The following TRAF3IP1 variants were observed in gnomAD, a reference collection of about 807,000 sequenced individuals.
TRAF3IP1 encodes TRAF3-interacting protein 1.
TRAF3IP1 carries 53 observed loss-of-function variants against 89.9 expected under a neutral mutation model. That is an observed-to-expected ratio of 0.59 (90% CI 0.47 to 0.74). The LOEUF (loss-of-function observed/expected upper bound fraction) is 0.74, where lower values mean the gene tolerates loss of function less well. Among genes scored for constraint, TRAF3IP1 ranks in the 30% least tolerant of loss-of-function variants. TRAF3IP1 has a pLI of 0.00. For missense variants in TRAF3IP1, 806 were observed against 866.1 expected, an observed-to-expected ratio of 0.93 and a Z score of 0.87; for synonymous variants, 311 against 322.1, an observed-to-expected ratio of 0.97 and a Z score of 0.37.
At chr2:238,347,110 C>G in intron 9 of TRAF3IP1, 1 of 252,472 alleles carries the variant, frequency 4.0e-6, no homozygotes, top group South Asian at 6.0e-5. Flanking sequence ...GCATCGTTCC[C>G]TCACATTTGG....
chr2:238,328,606 TTGAA>T, intron 3 of TRAF3IP1, 76 bp from the exon 4 acceptor site: 1 of 1,499,450 alleles, frequency 6.7e-7, no homozygotes, highest in Middle Eastern at 1.8e-4. Flanking sequence ...TGAGCTATCT[TTGAA>T]TGGCGATGTT....
At chr2:238,356,336 A>G (rs1237535215) in intron 15 of TRAF3IP1, among the ~76,000 whole-genome samples, 2 of 152,132 alleles carry the variant, frequency 1.3e-5, no homozygotes, top group Non-Finnish European at 2.9e-5. Context: ...GTCTTTACAA[A>G]AAATACAAAA....
At position 238,328,847 on chromosome 2, in the gene TRAF3IP1, C is replaced by G; in HGVS notation, c.498+18C>G. The G allele has an allele frequency of 1.2e-6, 2 of 1,602,108 alleles. No homozygotes were observed. The highest frequency in any genetic ancestry group is 1.7e-6 in the Non-Finnish European group (2 of 1,174,378). Reference sequence around the variant, plus strand: ...ATACAGAGGTGAATTCCAAGTCGCACATCTTTGAAAATGAAATAGTGAGTC... The same window carrying G: ...ATACAGAGGTGAATTCCAAGTCGCAGATCTTTGAAAATGAAATAGTGAGTC... On this transcript the variant is annotated intron_variant, in intron 4 of 16. Coordinates refer to ENST00000373327, the MANE Select transcript of TRAF3IP1 (RefSeq NM_015650.4).
At position 238,320,582 on chromosome 2, in the gene TRAF3IP1, C is replaced by G. The variant is rs1697469107; in HGVS notation, c.-81C>G. On this transcript the variant is annotated 5_prime_UTR_variant, in exon 1 of 17. Transcript: ENST00000373327. ...GACCGGGCGGCGGCGGCGGCGGGGCCGGCGGCGGCCAGGGACCCGGGCTTA... is the reference window on the plus strand; with the variant it reads ...GACCGGGCGGCGGCGGCGGCGGGGCGGGCGGCGGCCAGGGACCCGGGCTTA... The G allele has an allele frequency of 9.3e-7, 1 of 1,079,242 alleles. No individual in the cohort carries two copies. The highest frequency in any genetic ancestry group is 1.7e-5 in the African/African-American group (1 of 59,044). 66.9% of individuals were successfully genotyped at this position (1,079,242 alleles called of 1,614,324 possible).
At chr2:238,371,369 G>C (rs1249406644) in intron 15 of TRAF3IP1, among the ~76,000 whole-genome samples, 2 of 152,046 alleles carry the variant, frequency 1.3e-5, no homozygotes, top group African/African-American at 2.4e-5. Context: ...CTTTTGAAAA[G>C]AACCAAAGTC....
intron 3 of TRAF3IP1, among the ~76,000 whole-genome samples, chr2:238,326,928 C>T (rs924356839): frequency 8.5e-5 from 13 of 152,176 alleles, no homozygotes; most frequent in African/African-American, 3.1e-4. Context: ...CTAGGCTCCC[C>T]AGCTCCCCTT....
intron 15 of TRAF3IP1, among the ~76,000 whole-genome samples, chr2:238,382,550 G>T (rs544982784): frequency 6.6e-6 from 1 of 151,918 alleles, no homozygotes; most frequent in South Asian, 2.1e-4. Context: ...CAGATCAGCA[G>T]GTCGGGGAGG....
intron 15 of TRAF3IP1, among the ~76,000 whole-genome samples, chr2:238,378,237 A>T (rs762242879): frequency 6.6e-6 from 1 of 152,106 alleles, no homozygotes; most frequent in African/African-American, 2.4e-5. Flanking sequence ...TAAATTTATT[A>T]AGTTGGACAC....
chr2:238,389,012 T>TA (rs1165802044), intron 15 of TRAF3IP1, among the ~76,000 whole-genome samples: 2 of 152,182 alleles, frequency 1.3e-5, no homozygotes, highest in Admixed American at 1.3e-4. Context: ...AGCAAATACA[T>TA]ACTCTTTTGA....
intron 15 of TRAF3IP1, among the ~76,000 whole-genome samples, chr2:238,369,519 C>G (rs1282362042): frequency 6.6e-6 from 1 of 152,114 alleles, no homozygotes; most frequent in Admixed American, 6.5e-5. Flanking sequence ...TTGAACAGTA[C>G]AGCTATTTTC....
chr2:238,331,927 C>T (rs1161999746), intron 5 of TRAF3IP1, among the ~76,000 whole-genome samples: 1 of 152,156 alleles, frequency 6.6e-6, no homozygotes, highest in Non-Finnish European at 1.5e-5. Context: ...TGATGAGATC[C>T]TAGGCTACCT....
intron 15 of TRAF3IP1, among the ~76,000 whole-genome samples, chr2:238,384,287 C>T (rs918545109): frequency 6.6e-6 from 1 of 152,082 alleles, no homozygotes; most frequent in African/African-American, 2.4e-5. Context: ...CTGTTTTACA[C>T]TTGTTTGCTA....
intron 15 of TRAF3IP1, among the ~76,000 whole-genome samples, chr2:238,364,406 G>GTT (rs11384305): frequency 0.01 from 1,538 of 150,056 alleles, 24 homozygotes; most frequent in African/African-American, 0.035. Flanking sequence ...TCCTGCCAGC[G>GTT]TTTTTTTTTC....
intron 15 of TRAF3IP1, among the ~76,000 whole-genome samples, chr2:238,359,869 G>C (rs1326965092): frequency 6.6e-6 from 1 of 152,134 alleles, no homozygotes; most frequent in African/African-American, 2.4e-5. Flanking sequence ...TTTACTTTAT[G>C]AATTAGGTTC....
At position 238,329,168 on chromosome 2, in the gene TRAF3IP1, G is replaced by A. The variant is rs1450465169; in HGVS notation, c.741G>A (p.Lys247=). 1.3e-6 allele frequency: 2 copies of A among 1,560,968 alleles called. No individual in the cohort carries two copies. The highest frequency in any genetic ancestry group is 1.7e-6 in the Non-Finnish European group (2 of 1,155,878). The change falls in exon 5 of 17, where the codon AAG becomes AAA. Residue 247 remains lysine (K), a synonymous_variant. Coordinates refer to ENST00000373327, the MANE Select transcript of TRAF3IP1 (RefSeq NM_015650.4). The part of the protein sequence containing the change: ...RERDRDSERK[K]ETERKSEGGK... ...GGGACAGAGACTCCGAGCGCAAGAAGGAGACAGAGAGAAAGAGTGAGGGGG... is the reference window on the plus strand; with the variant it reads ...GGGACAGAGACTCCGAGCGCAAGAAAGAGACAGAGAGAAAGAGTGAGGGGG...
At position 238,379,648 on chromosome 2, in the gene TRAF3IP1, G is replaced by A. The variant is rs1342528889; in HGVS notation, c.1690-17811G>A. On this transcript the variant is annotated intron_variant, in intron 15 of 16. Transcript: ENST00000373327. The surrounding 1 kb of genome is among the most constrained non-coding windows in gnomAD (Gnocchi z 4.0). ...GCCACTTCCTGCTGCAGGTTTAGAC[G>A]GTGGTTTCCTCCCCCGCTCACATGC... is the stretch of plus-strand genomic sequence containing the variant. Among the ~76,000 whole-genome samples, 3 of 152,170 alleles carry A rather than the reference G, an allele frequency of 2.0e-5. No homozygotes were observed. The highest frequency in any genetic ancestry group is 4.4e-5 in the Non-Finnish European group (3 of 68,042).
At chr2:238,375,437 G>T (rs957111622) in intron 15 of TRAF3IP1, among the ~76,000 whole-genome samples, 1 of 152,204 alleles carries the variant, frequency 6.6e-6, no homozygotes, top group African/African-American at 2.4e-5. Context: ...TAGTTGTTCG[G>T]TTTTGAGTGA....
chr2:238,385,836 C>T (rs1700745645), intron 15 of TRAF3IP1, among the ~76,000 whole-genome samples: 1 of 152,038 alleles, frequency 6.6e-6, no homozygotes, highest in African/African-American at 2.4e-5. Flanking sequence ...CCTTCTTGCA[C>T]CGCTGTTTTT....
intron 10 of TRAF3IP1, 69 bp downstream of exon 10, chr2:238,347,544 C>G (rs1248747227): frequency 1.3e-6 from 2 of 1,493,266 alleles, no homozygotes; most frequent in Non-Finnish European, 1.9e-6. Context: ...TGAATGTGGA[C>G]TCTCAGATTC....
Sources: allele counts gnomAD v4.1 joint callset (sites outside exome capture counted in the v4.1 genomes callset), GRCh38; gene constraint gnomAD v4.1.1; non-coding constraint Gnocchi (gnomAD v3.1); transcripts MANE v1.5; gene names NCBI Gene and HGNC (gene_info 2026-07-23, HGNC 2026-07-21).